RIMS2: variants seen among roughly 807,000 people sequenced by gnomAD.
RIMS2 encodes the protein regulating synaptic membrane exocytosis 2.
A neutral mutation model predicts 174.4 loss-of-function variants in RIMS2; 59 were observed. The ratio of observed to expected loss-of-function variants is 0.34; its 90% CI spans 0.27 to 0.42. The LOEUF (loss-of-function observed/expected upper bound fraction) is 0.42, where lower values mean the gene tolerates loss of function less well. Ranked by LOEUF, RIMS2 falls within the 10% of genes least tolerant of loss-of-function variation. The pLI is 1.00. For missense variants in RIMS2, 1,620 were observed against 1,666.3 expected, an observed-to-expected ratio of 0.97 and a Z score of 0.48; for synonymous variants, 606 against 572.5, an observed-to-expected ratio of 1.06 and a Z score of -0.84.
rs2075411582 is a variant in RIMS2 at position 103,910,305 on chromosome 8, T to TTA, written c.1692+104_1692+105insTA. The TTA allele has an allele frequency of 1.3e-6, 2 of 1,529,760 alleles. No individual in the cohort carries two copies. Among genetic ancestry groups the TTA allele is most frequent in the Non-Finnish European group, 1.8e-6 (2 of 1,129,734 alleles). The allele number at this position is 1,529,760 out of a possible 1,614,324, so 94.8% of individuals were successfully genotyped here. On this transcript the variant is annotated intron_variant, in intron 5 of 23. Transcript: ENST00000504942. Reference sequence around the variant, plus strand: ...CTTTTTTGTATCTTTTTTTTTTTTTTATCCCATACCTGTAGGGGACAGTCA... The same window carrying TTA: ...CTTTTTTGTATCTTTTTTTTTTTTTTTAATCCCATACCTGTAGGGGACAGTCA...
intron 14 of RIMS2, among the ~76,000 whole-genome samples, chr8:103,956,322 G>A (rs1360890376): frequency 5.9e-5 from 9 of 152,120 alleles, no homozygotes; most frequent in South Asian, 2.1e-4. Context: ...AACAAAGCTG[G>A]AGGCACCACG....
chr8:103,921,117 A>T (rs1048730873), intron 9 of RIMS2: 3 of 172,356 alleles, frequency 1.7e-5, no homozygotes, highest in African/African-American at 7.2e-5. Context: ...AACACGACAG[A>T]CATACAGGGA....
At chr8:104,048,690 T>C (rs2096734543) in intron 19 of RIMS2, among the ~76,000 whole-genome samples, 1 of 151,980 alleles carries the variant, frequency 6.6e-6, no homozygotes, top group Non-Finnish European at 1.5e-5. Flanking sequence ...TACAGCCATT[T>C]AAATGAAGAA....
chr8:103,881,693 C>T (rs1397273253), intron 3 of RIMS2, among the ~76,000 whole-genome samples: 1 of 151,322 alleles, frequency 6.6e-6, no homozygotes, highest in African/African-American at 2.4e-5. Flanking sequence ...ATTGAATAGT[C>T]CACATGACAA....
At chr8:104,200,646 G>T (rs913819665) in intron 19 of RIMS2, among the ~76,000 whole-genome samples, 1 of 152,162 alleles carries the variant, frequency 6.6e-6, no homozygotes, top group African/African-American at 2.4e-5. Context: ...TGGCGCTCAC[G>T]CTGTAATCCC....
At chr8:104,117,916 T>A (rs2132130043) in intron 19 of RIMS2, among the ~76,000 whole-genome samples, 1 of 152,314 alleles carries the variant, frequency 6.6e-6, no homozygotes, top group East Asian at 1.9e-4. Flanking sequence ...AGGCAATTCT[T>A]AAGCGTTGAA....
At chr8:103,818,904 G>A (rs984473232) in intron 3 of RIMS2, among the ~76,000 whole-genome samples, 8 of 152,056 alleles carry the variant, frequency 5.3e-5, no homozygotes, top group African/African-American at 1.9e-4. Flanking sequence ...ATTGCTTCAT[G>A]ACATCAAAAG....
At chr8:104,061,674 A>G (rs1027805868) in intron 19 of RIMS2, among the ~76,000 whole-genome samples, 5 of 150,652 alleles carry the variant, frequency 3.3e-5, no homozygotes, top group Non-Finnish European at 5.9e-5. Flanking sequence ...CTATGCTACT[A>G]TTTTTACTGT....
chr8:103,663,925 C>G (rs980850702), intron 1 of RIMS2, among the ~76,000 whole-genome samples: 2 of 152,084 alleles, frequency 1.3e-5, no homozygotes, highest in African/African-American at 4.8e-5. Context: ...GGTACTGGTA[C>G]CAAAACAGTT....
At chr8:103,880,718 A>G in intron 3 of RIMS2, 1 of 485,484 alleles carries the variant, frequency 2.1e-6, no homozygotes, top group Non-Finnish European at 3.8e-6. Flanking sequence ...ATTAAATCTT[A>G]ATTGTGATAT....
intron 1 of RIMS2, among the ~76,000 whole-genome samples, chr8:103,542,083 A>G (rs1260115629): frequency 6.6e-6 from 1 of 152,094 alleles, no homozygotes; most frequent in Admixed American, 6.5e-5. Context: ...GAAATAGTAA[A>G]CTGACAAAAC....
chr8:104,144,254 T>G (rs1358596369), intron 19 of RIMS2, among the ~76,000 whole-genome samples: 1 of 152,214 alleles, frequency 6.6e-6, no homozygotes, highest in Non-Finnish European at 1.5e-5. Context: ...ATACTAAATA[T>G]ATACAGTTTT....
At chr8:104,178,511 A>G (rs2098919424) in intron 19 of RIMS2, among the ~76,000 whole-genome samples, 1 of 152,134 alleles carries the variant, frequency 6.6e-6, no homozygotes, top group East Asian at 1.9e-4. Flanking sequence ...TAAGGAGTCA[A>G]TTATATTAGG....
At chr8:103,570,957 C>T (rs958980182) in intron 1 of RIMS2, among the ~76,000 whole-genome samples, 1 of 152,154 alleles carries the variant, frequency 6.6e-6, no homozygotes, top group African/African-American at 2.4e-5. Context: ...ATACCAATGA[C>T]ACAAAATAAA....
chr8:104,209,996 G>A (rs564734809), intron 19 of RIMS2, among the ~76,000 whole-genome samples: 1 of 152,226 alleles, frequency 6.6e-6, no homozygotes, highest in African/African-American at 2.4e-5. Context: ...AAATACCAAA[G>A]AATGAAAGAG....
chr8:104,066,063 A>C (rs2097100653), intron 19 of RIMS2, among the ~76,000 whole-genome samples: 1 of 152,208 alleles, frequency 6.6e-6, no homozygotes, highest in African/African-American at 2.4e-5. Context: ...AATCTGACTC[A>C]CTGCCTGTTT....
At chr8:103,970,496 G>T (rs976023809) in intron 15 of RIMS2, among the ~76,000 whole-genome samples, 11 of 152,110 alleles carry the variant, frequency 7.2e-5, no homozygotes, top group African/African-American at 2.7e-4. Context: ...TTTACTGTGG[G>T]AACCTGGTGG....
chr8:103,597,509 C>G (rs1346513155), intron 1 of RIMS2, among the ~76,000 whole-genome samples: 1 of 152,082 alleles, frequency 6.6e-6, no homozygotes, highest in Non-Finnish European at 1.5e-5. Flanking sequence ...CTTCCTTTGT[C>G]AGCACAGTAG....
intron 3 of RIMS2, among the ~76,000 whole-genome samples, chr8:103,826,977 C>T (rs945814267): frequency 6.6e-6 from 1 of 151,976 alleles, no homozygotes; most frequent in Admixed American, 6.6e-5. Context: ...TGCCCAGCCT[C>T]ATATATTTTT....
Sources: allele counts gnomAD v4.1 joint callset (sites outside exome capture counted in the v4.1 genomes callset), GRCh38; gene constraint gnomAD v4.1.1; transcripts MANE v1.5; gene names NCBI Gene and HGNC (gene_info 2026-07-23, HGNC 2026-07-21).